SUPT6H: variants seen among roughly 807,000 people sequenced by gnomAD.
The protein encoded by SUPT6H is transcription elongation factor SPT6.
SUPT6H carries 11 observed loss-of-function variants against 222.3 expected under a neutral mutation model. The observed-to-expected ratio is 0.05, with a 90% CI of 0.03 to 0.08. The LOEUF (loss-of-function observed/expected upper bound fraction) is 0.08. Among genes scored for constraint, SUPT6H ranks in the 10% least tolerant of loss-of-function variants. SUPT6H has a pLI of 1.00. For synonymous variants in SUPT6H, 762 were observed against 801.2 expected (o/e 0.95, Z 0.83); for missense variants, 1,422 against 2,216.0 (o/e 0.64, Z 7.19).
chr17:28,699,675 C>T, intron 32 of SUPT6H, 106 bp from the exon 33 acceptor site: 3 of 917,380 alleles, frequency 3.3e-6, no homozygotes, highest in Non-Finnish European at 5.5e-6. Flanking sequence ...TCTCTCCTTT[C>T]CCCTAGCACC....
chr17:28,689,441 G>C lies in SUPT6H; in HGVS notation c.3222G>C (p.Leu1074=). 1 of 1,614,222 alleles carries C rather than the reference G, an allele frequency of 6.2e-7. No individual in the cohort carries two copies. The highest frequency in any genetic ancestry group is 8.5e-7 in the Non-Finnish European group (1 of 1,180,044). The part of the protein sequence containing the change: ...EWARKMAVDA[L]EYDESAEDAN... ...CTAGGAAGATGGCAGTGGATGCCCT[G>C]GAATACGATGAATCAGCCGAGGATG... is the stretch of plus-strand genomic sequence containing the variant. Residue 1074 remains leucine (L), a synonymous_variant, in exon 25 of 37, where the codon CTG becomes CTC. Coordinates refer to ENST00000314616, the MANE Select transcript of SUPT6H (RefSeq NM_003170.5).
At chr17:28,687,923 AC>A (rs1166319668) in intron 23 of SUPT6H, among the ~76,000 whole-genome samples, 167 bp from the exon 24 acceptor site, 4 of 148,996 alleles carry the variant, frequency 2.7e-5, no homozygotes, top group Non-Finnish European at 6.0e-5. Context: ...TTAAAGCAAA[AC>A]TTTTTTTTTT....
chr17:28,684,491 CAT>C, intron 17 of SUPT6H, 93 bp from the exon 18 acceptor site: 1 of 1,460,056 alleles, frequency 6.8e-7, no homozygotes, highest in Admixed American at 1.8e-5. Context: ...CACCCTCGCA[CAT>C]GTGTGTATGA....
In SUPT6H at chr17:28,675,181, G is replaced by C; in HGVS notation, c.538+19G>C. ...GAGTCAGGTATGTTATATTGGGCAGGGAAGCCAGTGTTTGGATGGGTATTG... is the reference window on the plus strand; with the variant it reads ...GAGTCAGGTATGTTATATTGGGCAGCGAAGCCAGTGTTTGGATGGGTATTG... On this transcript the variant is annotated intron_variant, in intron 5 of 36. Coordinates refer to ENST00000314616, the MANE Select transcript of SUPT6H (RefSeq NM_003170.5). The C allele has an allele frequency of 6.3e-7, 1 of 1,592,826 alleles. No individual in the cohort carries two copies. The highest frequency in any genetic ancestry group is 8.5e-7 in the Non-Finnish European group (1 of 1,171,310).
chr17:28,676,111 C>T (rs769362452), intron 6 of SUPT6H, 46 bp from the exon 7 acceptor site: 2 of 1,538,412 alleles, frequency 1.3e-6, no homozygotes, highest in Middle Eastern at 1.8e-4. Context: ...GCATTTCTCT[C>T]CTCTCACCTG....
chr17:28,687,940 T>G, intron 23 of SUPT6H, 151 bp from the exon 24 acceptor site: 1 of 849,948 alleles, frequency 1.2e-6, no homozygotes, highest in Non-Finnish European at 1.6e-6. Flanking sequence ...TTTTTTTTTT[T>G]TTAATTTTGA....
intron 28 of SUPT6H, among the ~76,000 whole-genome samples, 199 bp downstream of exon 28, chr17:28,694,035 T>C (rs938214799): frequency 2.0e-5 from 3 of 152,256 alleles, no homozygotes; most frequent in Non-Finnish European, 4.4e-5. Context: ...TTTTGTTCAC[T>C]GCCTTTGTGA....
At position 28,689,550 on chromosome 17, in the gene SUPT6H, C is replaced by T. The variant is rs1422614306; in HGVS notation, c.3331C>T (p.Leu1111=). Residue 1111 remains leucine, a synonymous_variant, in exon 25 of 37, where the codon CTG becomes TTG. Coordinates refer to ENST00000314616, the MANE Select transcript of SUPT6H (RefSeq NM_003170.5). The part of the protein sequence containing the change: ...DLDLDAFAEE[L]ERQGYGDKHI... ...GGACCTTGATGCCTTTGCAGAAGAG[C>T]TGGAGAGGCAGGTAAGGGACAGCAT... is the stretch of plus-strand genomic sequence containing the variant. 1 of 1,614,082 alleles carries T rather than the reference C, an allele frequency of 6.2e-7. No homozygotes were observed. Among genetic ancestry groups the T allele is most frequent in the African/African-American group, 1.3e-5 (1 of 75,030 alleles).
Position 28,681,253 on chromosome 17 carries a change from C to T in SUPT6H, c.1350-3C>T. ...CTGAAACCTTATGTCTCTTCTTTTT[C>T]AGGCTCAAGGATGTCCAATCAATGG... On this transcript the variant is annotated splice_region_variant and splice_polypyrimidine_tract_variant and intron_variant, in intron 11 of 36. Transcript: ENST00000314616. 6 of 1,613,406 alleles carry T rather than the reference C, an allele frequency of 3.7e-6. No homozygotes were observed. The highest frequency in any genetic ancestry group is 5.1e-6 in the Non-Finnish European group (6 of 1,179,862).
intron 1 of SUPT6H, 90 bp downstream of exon 1, chr17:28,662,432 G>A (rs1274283043): frequency 6.5e-6 from 1 of 153,512 alleles, no homozygotes; most frequent in Admixed American, 6.5e-5. Flanking sequence ...AAGAGGCAGT[G>A]GGGAGCCGTA....
Position 28,699,765 on chromosome 17 carries a change from C to A in SUPT6H, c.4449-16C>A. The A allele has an allele frequency of 6.2e-7, 1 of 1,611,398 alleles. No individual in the cohort carries two copies. The highest frequency in any genetic ancestry group is 8.5e-7 in the Non-Finnish European group (1 of 1,177,546). The stretch of plus-strand genomic sequence containing the variant: ...CCCAAGTGGTTTCTGATGCATGTTT[C>A]CTTCTAAAATCCTAGGATAGAATAT... On this transcript the variant is annotated splice_polypyrimidine_tract_variant and intron_variant, in intron 32 of 36. Coordinates refer to ENST00000314616, the MANE Select transcript of SUPT6H (RefSeq NM_003170.5).
At position 28,673,323 on chromosome 17, in the gene SUPT6H, T is replaced by C. The variant is rs569083908; in HGVS notation, c.-31-48T>C. The C allele has an allele frequency of 7.6e-5, 90 of 1,184,614 alleles. No homozygotes were observed. The Admixed American group carries it at 8.9e-4, about 12-fold the overall frequency. 73.4% of individuals were successfully genotyped at this position (1,184,614 alleles called of 1,614,324 possible). ...TGTGGGAAGGTTTAAGAGCCCTCTG[T>C]ACAATCATGTGTCCGTTTTTTTATC... On this transcript the variant is annotated intron_variant, in intron 1 of 36. Coordinates refer to ENST00000314616, the MANE Select transcript of SUPT6H (RefSeq NM_003170.5).
At position 28,674,284 on chromosome 17, in the gene SUPT6H, TGAG is replaced by T. The variant is rs749059738; in HGVS notation, c.127_129del (p.Glu43del). On this transcript the variant is annotated inframe_deletion and splice_region_variant, in exon 3 of 37. Coordinates refer to ENST00000314616, the MANE Select transcript of SUPT6H (RefSeq NM_003170.5). ...GCCTCAAACATGCATGTCTTCCAGATGAGGAGGAGGAGGAGGAGAACCTAGATG... is the reference window on the plus strand; with the variant it reads ...GCCTCAAACATGCATGTCTTCCAGATGAGGAGGAGGAGGAGAACCTAGATG... The T allele has an allele frequency of 7.1e-5, 113 of 1,596,126 alleles. No individual in the cohort carries two copies. Among genetic ancestry groups the T allele is most frequent in the African/African-American group, 3.0e-4 (22 of 74,422 alleles).
intron 1 of SUPT6H, 50 bp from the exon 2 acceptor site, chr17:28,673,321 T>C: frequency 2.6e-6 from 3 of 1,147,402 alleles, no homozygotes; most frequent in Non-Finnish European, 3.9e-6. Flanking sequence ...AAGAGCCCTC[T>C]GTACAATCAT....
intron 1 of SUPT6H, 41 bp from the exon 2 acceptor site, chr17:28,673,330 A>G (rs750372734): frequency 3.0e-5 from 38 of 1,255,224 alleles, no homozygotes; most frequent in Non-Finnish European, 1.4e-5. Flanking sequence ...CTGTACAATC[A>G]TGTGTCCGTT....
At chr17:28,675,310 C>T in intron 5 of SUPT6H, 91 bp from the exon 6 acceptor site, 1 of 1,505,608 alleles carries the variant, frequency 6.6e-7, no homozygotes, top group Non-Finnish European at 9.2e-7. Flanking sequence ...TTCTCTGTTG[C>T]TCACTGGCCA....
chr17:28,689,977 C>G, intron 25 of SUPT6H, 105 bp from the exon 26 acceptor site: 3 of 1,388,328 alleles, frequency 2.2e-6, no homozygotes, highest in East Asian at 4.6e-5. Context: ...GAAGCCCTGA[C>G]AGAAACTTAC....
rs1447776102 is a variant in SUPT6H at position 28,683,635 on chromosome 17, A to G, written c.2048A>G (p.Gln683Arg). The part of the protein sequence containing the change: ...LKGVEGYGND[Q>R]TYFEEIKQFY... ...TCTCTTCTCAGCTATGGCAACGACCAGACATATTTTGAGGAGATAAAACAG... is the reference window on the plus strand; with the variant it reads ...TCTCTTCTCAGCTATGGCAACGACCGGACATATTTTGAGGAGATAAAACAG... The change falls in exon 17 of 37, where the codon CAG becomes CGG. Residue 683 changes from glutamine to arginine, a missense_variant. By Grantham distance (43) the Gln-to-Arg change is conservative (BLOSUM62 1). Coordinates refer to ENST00000314616, the MANE Select transcript of SUPT6H (RefSeq NM_003170.5). 1 of 1,614,002 alleles carries G rather than the reference A, an allele frequency of 6.2e-7. No homozygotes were observed. The highest frequency in any genetic ancestry group is 1.3e-5 in the African/African-American group (1 of 75,042).
chr17:28,696,651 G>C lies in SUPT6H; in HGVS notation c.3971-193G>C, dbSNP rs138583444. On this transcript the variant is annotated intron_variant, in intron 29 of 36. Coordinates refer to ENST00000314616, the MANE Select transcript of SUPT6H (RefSeq NM_003170.5). ...CGGTGTATTCCCAGCTATTTTAGAG[G>C]CTGAGACAGGAGGATCGCTTGAGCC... is the stretch of plus-strand genomic sequence containing the variant. Among the ~76,000 whole-genome samples the C allele has an allele frequency of 1.4e-3, 211 of 151,336 alleles. 1 individual carries two copies. Among genetic ancestry groups the C allele is most frequent in the African/African-American group, 4.5e-3 (185 of 41,184 alleles).
Sources: allele counts gnomAD v4.1 joint callset (sites outside exome capture counted in the v4.1 genomes callset), GRCh38; gene constraint gnomAD v4.1.1; transcripts MANE v1.5; gene names NCBI Gene and HGNC (gene_info 2026-07-23, HGNC 2026-07-21).